Variants in DYNC2I2 observed in about 807,000 individuals in gnomAD.
DYNC2I2 encodes cytoplasmic dynein 2 intermediate chain 2.
Under a neutral mutation model 52.0 loss-of-function variants are expected in DYNC2I2, and 39 were observed. That is an observed-to-expected ratio of 0.75 (90% CI 0.58 to 0.98). The LOEUF is 0.98. Among genes scored for constraint, DYNC2I2 ranks in the 50% least tolerant of loss-of-function variants. DYNC2I2 has a pLI of 0.00. For missense variants in DYNC2I2, 743 were observed against 728.4 expected (o/e 1.02, Z -0.23); for synonymous variants, 359 against 321.1 (o/e 1.12, Z -1.26).
At chr9:128,671,616 G>C in the DYNC2I2 span, among the ~76,000 whole-genome samples, 1 of 151,376 alleles carries the variant, frequency 6.6e-6, no homozygotes, top group Non-Finnish European at 1.5e-5. Context: ...GGGACTACAG[G>C]TGCGTGCCAC....
chr9:128,648,158 T>C (rs1403929779), intron 1 of DYNC2I2, among the ~76,000 whole-genome samples: 1 of 152,008 alleles, frequency 6.6e-6, no homozygotes, highest in Non-Finnish European at 1.5e-5. Flanking sequence ...CCTGTAACCT[T>C]AGCACTTTGG....
the DYNC2I2 span, chr9:128,663,268 C>T: frequency 1.3e-5 from 2 of 152,248 alleles, no homozygotes; most frequent in South Asian, 2.1e-4. Flanking sequence ...AGTGGAACAA[C>T]GTGGCCCCTA....
chr9:128,664,641 C>T, the DYNC2I2 span, among the ~76,000 whole-genome samples: 63 of 151,940 alleles, frequency 4.1e-4, no homozygotes, highest in African/African-American at 1.3e-3. Context: ...CCTGCCACCA[C>T]GCCCAACTAA....
chr9:128,660,861 C>T (rs948939851), upstream of DYNC2I2, among the ~76,000 whole-genome samples: 6 of 151,828 alleles, frequency 4.0e-5, no homozygotes, highest in African/African-American at 1.2e-4. Context: ...TCCCAAGTAG[C>T]TGGGACTACA....
chr9:128,671,470 C>CTTTT, the DYNC2I2 span, among the ~76,000 whole-genome samples: 23 of 107,750 alleles, frequency 2.1e-4, no homozygotes, highest in African/African-American at 3.4e-4. Flanking sequence ...CTGGCTAATT[C>CTTTT]TTTTTTTTTT....
chr9:128,671,571 G>A, the DYNC2I2 span, among the ~76,000 whole-genome samples: 3 of 148,284 alleles, frequency 2.0e-5, no homozygotes, highest in African/African-American at 7.5e-5. Flanking sequence ...CTCCCGGGTT[G>A]AAGTGATTCT....
In DYNC2I2 at chr9:128,656,791, A is replaced by G. The variant is rs1860838962; in HGVS notation, c.-65T>C. 1.5e-5 allele frequency: 19 copies of G among 1,305,800 alleles called. No homozygotes were observed. Among genetic ancestry groups the G allele is most frequent in the South Asian group, 1.0e-4 (5 of 48,888 alleles). 80.9% of individuals were successfully genotyped at this position (1,305,800 alleles called of 1,614,324 possible). A position where few individuals can be genotyped will look rare whatever the true frequency, so the allele number is the denominator to read the frequency against. ...CGACCTCCGCCCCTACGCCGCCATG[A>G]GCGGAAAACGGGGAATGTGAGGCTG... On this transcript the variant is annotated 5_prime_UTR_variant, in exon 1 of 9. Transcript: ENST00000372715.
chr9:128,647,595 C>G (rs1451686919), intron 1 of DYNC2I2, among the ~76,000 whole-genome samples: 1 of 151,988 alleles, frequency 6.6e-6, no homozygotes, highest in Non-Finnish European at 1.5e-5. Context: ...ATTAGCCAGG[C>G]ATGGTGGCAT....
At chr9:128,666,744 G>A in the DYNC2I2 span, among the ~76,000 whole-genome samples, 1 of 148,072 alleles carries the variant, frequency 6.8e-6, no homozygotes, top group Non-Finnish European at 1.5e-5. Flanking sequence ...GGGTGACAGA[G>A]CAAGACTCCA....
chr9:128,640,897 C>A lies in DYNC2I2; in HGVS notation c.229G>T (p.Ala77Ser). 6.2e-7 allele frequency: 1 copy of A among 1,607,548 alleles called. No homozygotes were observed. The highest frequency in any genetic ancestry group is 1.1e-5 in the South Asian group (1 of 90,662). ...TASIATASAS[A>S]QARNHVDAQV... is the part of the protein sequence containing the mutation. The stretch of plus-strand genomic sequence containing the variant: ...GCGTCCACATGATTCCTGGCCTGGG[C>A]GGATGCACTGGCAGTGGCAATGCTG... Residue 77 changes from alanine (A) to serine (S), a missense_variant, in exon 2 of 9, where the codon GCC (alanine) becomes TCC (serine). Physicochemically the swap from Ala to Ser is moderately conservative, Grantham distance 99. Coordinates refer to ENST00000372715, the MANE Select transcript of DYNC2I2 (RefSeq NM_052844.4).
chr9:128,675,166 CTTTATTTATTT>C, the DYNC2I2 span, among the ~76,000 whole-genome samples: 35 of 152,144 alleles, frequency 2.3e-4, no homozygotes, highest in South Asian at 1.2e-3. Context: ...GCCTTTGAGT[CTTTATTTATTT>C]TTTATTTATT....
In DYNC2I2 at chr9:128,633,706, C is replaced by T. The variant is rs1192099224; in HGVS notation, c.*38G>A. 3.2e-6 allele frequency: 5 copies of T among 1,579,898 alleles called. No homozygotes were observed. The highest frequency in any genetic ancestry group is 3.4e-6 in the Non-Finnish European group (4 of 1,160,460). On this transcript the variant is annotated 3_prime_UTR_variant, in exon 9 of 9. Transcript: ENST00000372715. ...TGGCTTGCGTCAGAAACACAAGGCTCGGCACAGCGAAGGCTTGCACCCGCC... is the reference window on the plus strand; with the variant it reads ...TGGCTTGCGTCAGAAACACAAGGCTTGGCACAGCGAAGGCTTGCACCCGCC...
upstream of DYNC2I2, among the ~76,000 whole-genome samples, chr9:128,661,089 C>T (rs920047733): frequency 4.0e-5 from 6 of 151,604 alleles, no homozygotes; most frequent in Non-Finnish European, 1.5e-5. Flanking sequence ...CGCCTGTAAT[C>T]CCAGCAATTT....
At position 128,640,800 on chromosome 9, in the gene DYNC2I2, G is replaced by A; in HGVS notation, c.326C>T (p.Ala109Val). 1.9e-6 allele frequency: 3 copies of A among 1,614,210 alleles called. No homozygotes were observed. The highest frequency in any genetic ancestry group is 1.6e-4 in the Middle Eastern group (1 of 6,062). ...GGCCTCCACTCTCCGAAGAAAGGCT[G>A]CGAGCCTGGGTATGTCATACTGGGA... ...PPSQYDIPRL[A>V]AFLRRVEAMV... is the part of the protein sequence containing the mutation. The change falls in exon 2 of 9, where the codon GCA (alanine) becomes GTA (valine). Residue 109 changes from alanine to valine, a missense_variant. Physicochemically the swap from Ala to Val is moderately conservative, Grantham distance 64 (BLOSUM62 0). Coordinates refer to ENST00000372715, the MANE Select transcript of DYNC2I2 (RefSeq NM_052844.4).
chr9:128,653,793 C>T (rs1159333010), intron 1 of DYNC2I2, among the ~76,000 whole-genome samples: 3 of 152,008 alleles, frequency 2.0e-5, no homozygotes, highest in African/African-American at 7.2e-5. Context: ...AGGCGGATCA[C>T]GAGGTCAGGA....
chr9:128,635,364 C>T lies in DYNC2I2; in HGVS notation c.814-105G>A, dbSNP rs1158433769. On this transcript the variant is annotated intron_variant, in intron 5 of 8. Transcript: ENST00000372715. ...TCTTCCAGGAAAAAAAAAAATTCTCCGGGAGGCCCCAGAACCAGGCTCACC... is the reference window on the plus strand; with the variant it reads ...TCTTCCAGGAAAAAAAAAAATTCTCTGGGAGGCCCCAGAACCAGGCTCACC... 7.2e-6 allele frequency: 10 copies of T among 1,381,876 alleles called. No individual in the cohort carries two copies. The East Asian group carries it at 1.0e-4, about 14-fold the overall frequency. The allele number at this position is 1,381,876 out of a possible 1,614,324, so 85.6% of individuals were successfully genotyped here.
chr9:128,665,581 C>T, the DYNC2I2 span, among the ~76,000 whole-genome samples: 2 of 151,528 alleles, frequency 1.3e-5, no homozygotes, highest in African/African-American at 4.8e-5. Flanking sequence ...AACAACCTGA[C>T]CAATATGGTG....
intron 1 of DYNC2I2, 71 bp from the exon 2 acceptor site, chr9:128,641,010 G>A (rs1332917855): frequency 2.7e-6 from 4 of 1,493,132 alleles, no homozygotes; most frequent in East Asian, 2.3e-5. Flanking sequence ...CCCCCTGCCT[G>A]CCCCTCCTGC....
At chr9:128,654,293 T>C (rs919927688) in intron 1 of DYNC2I2, among the ~76,000 whole-genome samples, 1 of 152,134 alleles carries the variant, frequency 6.6e-6, no homozygotes, top group African/African-American at 2.4e-5. Context: ...TCACTGGCCT[T>C]GGGGAGGATT....
Sources: gnomAD v4.1 joint callset for allele counts (sites outside exome capture counted in the v4.1 genomes callset) on GRCh38, gnomAD v4.1.1 for gene constraint, MANE v1.5 for transcripts, NCBI Gene and HGNC (gene_info 2026-07-23, HGNC 2026-07-21) for gene names.